Variants in TSHZ2 observed in about 807,000 individuals in gnomAD.
The protein encoded by TSHZ2 is teashirt zinc finger homeobox 2, also known as teashirt homolog 2.
TSHZ2 carries 21 observed loss-of-function variants against 74.4 expected under a neutral mutation model. That is an observed-to-expected ratio of 0.28 (90% CI 0.20 to 0.41). The LOEUF (loss-of-function observed/expected upper bound fraction) is 0.41. TSHZ2 is among the 10% of genes least tolerant of loss of function. TSHZ2 has a pLI of 1.00. For missense variants in TSHZ2, 1,244 were observed against 1,293.5 expected (o/e 0.96, Z 0.59); for synonymous variants, 540 against 515.3 (o/e 1.05, Z -0.65).
At chr20:53,037,701 G>A (rs1050189795) in intron 1 of TSHZ2, among the ~76,000 whole-genome samples, 10 of 152,184 alleles carry the variant, frequency 6.6e-5, no homozygotes, top group African/African-American at 2.4e-4. Flanking sequence ...TATGAATGAA[G>A]CTTTTTGCTT....
At chr20:53,360,980 G>C (rs1271994703) in intron 2 of TSHZ2, among the ~76,000 whole-genome samples, 1 of 152,216 alleles carries the variant, frequency 6.6e-6, no homozygotes, top group Non-Finnish European at 1.5e-5. Flanking sequence ...TGGGGGGCTA[G>C]TTCGGGCTTT....
rs1985311946 is a variant in TSHZ2, at chr20:53,074,695, C to G, written c.40+101362C>G. On this transcript the variant is annotated intron_variant, in intron 1 of 2. Coordinates refer to ENST00000371497, the MANE Select transcript of TSHZ2 (RefSeq NM_173485.6). This position sits in a 1 kb window ranked among gnomAD's most constrained non-coding sequence, Gnocchi z 5.9. ...AACTATAGATACTAATTATTTTTAA[C>G]TATAGATACTAATTATAGTCTGAAT... Among the ~76,000 whole-genome samples, 1 of 152,150 alleles carries G rather than the reference C, an allele frequency of 6.6e-6. No individual in the cohort carries two copies. Among genetic ancestry groups the G allele is most frequent in the African/African-American group, 2.4e-5 (1 of 41,452 alleles).
intron 2 of TSHZ2, among the ~76,000 whole-genome samples, chr20:53,411,700 G>A (rs536320452): frequency 6.6e-5 from 10 of 152,162 alleles, no homozygotes; most frequent in Non-Finnish European, 1.3e-4. Context: ...AGGTTGGCAC[G>A]TGCATGTAAT....
intron 1 of TSHZ2, among the ~76,000 whole-genome samples, chr20:53,204,810 G>A (rs554648507): frequency 7.0e-4 from 107 of 152,118 alleles, no homozygotes; most frequent in African/African-American, 2.4e-3. Context: ...GGCCGGGTGC[G>A]GTGGCTCACG....
chr20:53,058,448 A>G (rs1371365284), intron 1 of TSHZ2, among the ~76,000 whole-genome samples: 1 of 152,220 alleles, frequency 6.6e-6, no homozygotes, highest in South Asian at 2.1e-4. Context: ...CCTGATGCAA[A>G]ATGAAAAGGC....
At chr20:53,466,166 T>C (rs2145824948) in intron 2 of TSHZ2, among the ~76,000 whole-genome samples, 1 of 151,562 alleles carries the variant, frequency 6.6e-6, no homozygotes, top group East Asian at 1.9e-4. Context: ...AGAAATCACT[T>C]GAACCGGGGA....
At chr20:53,140,063 C>A (rs1377858527) in intron 1 of TSHZ2, among the ~76,000 whole-genome samples, 1 of 152,108 alleles carries the variant, frequency 6.6e-6, no homozygotes, top group East Asian at 1.9e-4. Flanking sequence ...TGCAAAGGTA[C>A]TGTTCTAGGC....
chr20:53,020,765 G>T (rs1983213229), intron 1 of TSHZ2, among the ~76,000 whole-genome samples: 1 of 152,136 alleles, frequency 6.6e-6, no homozygotes, highest in African/African-American at 2.4e-5. Flanking sequence ...CTGTGTTTCT[G>T]GATAAAGAAT....
intron 1 of TSHZ2, among the ~76,000 whole-genome samples, chr20:53,250,311 C>T (rs1381989605): frequency 2.0e-5 from 3 of 152,170 alleles, no homozygotes; most frequent in Non-Finnish European, 4.4e-5. Flanking sequence ...CTAAGACTTA[C>T]ACAAGATGCA....
intron 2 of TSHZ2, among the ~76,000 whole-genome samples, chr20:53,299,055 G>C (rs968146763): frequency 5.3e-5 from 8 of 152,278 alleles, no homozygotes; most frequent in Middle Eastern, 3.4e-3. Context: ...CATAGTCCCA[G>C]GGTAGGTGGA....
At chr20:53,318,622 A>G (rs1375460912) in intron 2 of TSHZ2, among the ~76,000 whole-genome samples, 2 of 152,170 alleles carry the variant, frequency 1.3e-5, no homozygotes, top group Non-Finnish European at 2.9e-5. Flanking sequence ...CAGGAACACA[A>G]TGTAGCTTCC....
chr20:53,030,726 T>A (rs1983603967), intron 1 of TSHZ2, among the ~76,000 whole-genome samples: 1 of 152,216 alleles, frequency 6.6e-6, no homozygotes, highest in Non-Finnish European at 1.5e-5. Context: ...AAATTTAAAA[T>A]CACCCACAGA....
chr20:53,227,271 C>T (rs1028117963), intron 1 of TSHZ2, among the ~76,000 whole-genome samples: 4 of 151,780 alleles, frequency 2.6e-5, no homozygotes, highest in African/African-American at 9.7e-5. Context: ...CAGTGGGTCT[C>T]CCGTGCAGCC....
chr20:53,180,282 T>A (rs1191421254), intron 1 of TSHZ2, among the ~76,000 whole-genome samples: 1 of 152,214 alleles, frequency 6.6e-6, no homozygotes, highest in African/African-American at 2.4e-5. Flanking sequence ...ATTTTTGCAT[T>A]TGGGTAGAAT....
At chr20:53,109,657 T>C (rs983260559) in intron 1 of TSHZ2, among the ~76,000 whole-genome samples, 2 of 152,234 alleles carry the variant, frequency 1.3e-5, no homozygotes, top group Non-Finnish European at 2.9e-5. Flanking sequence ...GTTTCATCGA[T>C]ATTTCCCTTT....
intron 2 of TSHZ2, among the ~76,000 whole-genome samples, chr20:53,261,990 A>C (rs1044750708): frequency 6.6e-6 from 1 of 152,204 alleles, no homozygotes; most frequent in Non-Finnish European, 1.5e-5. Flanking sequence ...GGGACACACA[A>C]TCGCCAGAGC....
chr20:53,272,975 CT>C (rs1400697521), intron 2 of TSHZ2, among the ~76,000 whole-genome samples: 1 of 152,174 alleles, frequency 6.6e-6, no homozygotes, highest in African/African-American at 2.4e-5. Flanking sequence ...GGGCCACCTA[CT>C]TTAAATAGAG....
At chr20:53,127,988 A>G (rs1986994035) in intron 1 of TSHZ2, among the ~76,000 whole-genome samples, 2 of 150,906 alleles carry the variant, frequency 1.3e-5, no homozygotes, top group African/African-American at 2.5e-5. Flanking sequence ...TTGATTTGCA[A>G]ATGAGTGTTC....
chr20:53,428,035 T>C (rs1983717954), intron 2 of TSHZ2, among the ~76,000 whole-genome samples: 1 of 152,200 alleles, frequency 6.6e-6, no homozygotes, highest in Non-Finnish European at 1.5e-5. Flanking sequence ...GATAAAGGCT[T>C]TGTACAAAGC....
Sources: gnomAD v4.1 joint callset for allele counts (sites outside exome capture counted in the v4.1 genomes callset) on GRCh38, gnomAD v4.1.1 for gene constraint, Gnocchi (gnomAD v3.1) non-coding constraint, MANE v1.5 for transcripts, NCBI Gene and HGNC (gene_info 2026-07-23, HGNC 2026-07-21) for gene names.